Variants in HEATR9 observed in about 807,000 individuals in gnomAD.
The protein encoded by HEATR9 is protein HEATR9.
Under a neutral mutation model 68.2 loss-of-function variants are expected in HEATR9, and 54 were observed. The ratio of observed to expected loss-of-function variants is 0.79; its 90% CI spans 0.64 to 0.99. The LOEUF is 0.99. Among genes scored for constraint, HEATR9 ranks in the 50% least tolerant of loss-of-function variants. HEATR9 has a pLI of 0.00. For missense variants in HEATR9, 662 were observed against 679.7 expected (o/e 0.97, Z 0.29); for synonymous variants, 241 against 253.5 (o/e 0.95, Z 0.47).
At chr17:35,855,478 G>A (rs1277666260) in intron 14 of HEATR9, 68 bp from the exon 15 acceptor site, 2 of 1,454,226 alleles carry the variant, frequency 1.4e-6, no homozygotes, top group Non-Finnish European at 1.9e-6. Context: ...CAGAGAGGGG[G>A]CACCCAAAGT....
At position 35,858,784 on chromosome 17, in the gene HEATR9, A is replaced by G. The variant is rs1312725330; in HGVS notation, c.939+104T>C. 2.4e-6 allele frequency: 3 copies of G among 1,259,978 alleles called. No individual in the cohort carries two copies. The East Asian group carries it at 7.0e-5, about 29-fold the overall frequency. The allele number at this position is 1,259,978 out of a possible 1,614,324, so 78.0% of individuals were successfully genotyped here. A position where few individuals can be genotyped will look rare whatever the true frequency, so the allele number is the denominator to read the frequency against. ...CATGGACATAGTCATAAGCACACAG[A>G]GGATCCTGCAGTGCTCCACCACCAG... On this transcript the variant is annotated intron_variant, in intron 9 of 14. Coordinates refer to ENST00000604834, the MANE Select transcript of HEATR9 (RefSeq NM_152781.4).
intron 6 of HEATR9, chr17:35,863,914 A>G (rs746929712): frequency 5.6e-6 from 3 of 535,562 alleles, no homozygotes; most frequent in Non-Finnish European, 1.0e-5. Context: ...GCATGTTCCC[A>G]GTGGTAAGCT....
Position 35,859,016 on chromosome 17 carries a change from T to C in HEATR9, c.811A>G (p.Lys271Glu), listed in dbSNP as rs2087880977. The C allele has an allele frequency of 6.2e-7, 1 of 1,614,208 alleles. No individual in the cohort carries two copies. The highest frequency in any genetic ancestry group is 8.5e-7 in the Non-Finnish European group (1 of 1,180,040). Residue 271 changes from lysine (K) to glutamate (E), a missense_variant, in exon 9 of 15, where the codon AAG (lysine) becomes GAG (glutamate). Coordinates refer to ENST00000604834, the MANE Select transcript of HEATR9 (RefSeq NM_152781.4). ...AGAGATGCTTCACTGGACGACTTCT[T>C]GATCAGTGTCTGTAGTACAGGCACC... is the stretch of plus-strand genomic sequence containing the variant. ...KLVPVLQTLI[K>E]KSSSEASLEA...
Position 35,855,851 on chromosome 17 carries a change from AG to A in HEATR9, c.1279-102del. 3 of 1,011,252 alleles carry A rather than the reference AG, an allele frequency of 3.0e-6. No homozygotes were observed. The South Asian group carries it at 3.9e-5, about 13-fold the overall frequency. The allele number at this position is 1,011,252 out of a possible 1,614,324, so 62.6% of individuals were successfully genotyped here. ...CTTTGTGAGACTCTGCAGCATAGAGAGGGGGGAGATAGGGTTTCCCAGCTGA... is the reference window on the plus strand; with the variant it reads ...CTTTGTGAGACTCTGCAGCATAGAGAGGGGGAGATAGGGTTTCCCAGCTGA... On this transcript the variant is annotated intron_variant, in intron 13 of 14. Transcript: ENST00000604834.
chr17:35,863,812 T>C (rs2088090933), intron 6 of HEATR9: 2 of 579,518 alleles, frequency 3.5e-6, no homozygotes, highest in African/African-American at 1.9e-5. Flanking sequence ...TCCCTTGGTC[T>C]CTCAGAGCTT....
intron 1 of HEATR9, among the ~76,000 whole-genome samples, chr17:35,867,256 G>A (rs767729764): frequency 5.9e-5 from 9 of 151,726 alleles, no homozygotes; most frequent in South Asian, 4.2e-4. Context: ...GCGAGACTCC[G>A]TCTCAAAAAA....
intron 2 of HEATR9, 24 bp downstream of exon 2, chr17:35,866,700 G>T: frequency 1.9e-6 from 3 of 1,609,414 alleles, no homozygotes; most frequent in Non-Finnish European, 2.6e-6. Flanking sequence ...CAGCTCCCAG[G>T]GTAGCAAAAG....
Position 35,864,842 on chromosome 17 carries a change from T to C in HEATR9, c.369A>G (p.Pro123=), listed in dbSNP as rs748978398. 7 of 1,614,070 alleles carry C rather than the reference T, an allele frequency of 4.3e-6. No individual in the cohort carries two copies. In the Admixed American group the frequency reaches 6.7e-5, roughly 15 times the overall value. The change falls in exon 4 of 15, where the codon CCA becomes CCG. Residue 123 remains proline, a synonymous_variant. Coordinates refer to ENST00000604834, the MANE Select transcript of HEATR9 (RefSeq NM_152781.4). ...CAGATTTTATAGTCAGCTTGCTCAT[T>C]GGGAGATGGAACATTTTGATGTGGG... is the stretch of plus-strand genomic sequence containing the variant. ...HQTHIKMFHL[P]MSKLTIKSEM...
At chr17:35,866,840 G>A in intron 1 of HEATR9, 67 bp from the exon 2 acceptor site, 1 of 1,505,204 alleles carries the variant, frequency 6.6e-7, no homozygotes, top group Middle Eastern at 1.7e-4. Context: ...AGGCTTGGTG[G>A]CTTCTGCCTG....
chr17:35,865,268 C>G lies in HEATR9; in HGVS notation c.267G>C (p.Gln89His), dbSNP rs746592494. ...IYTHWHDLYDQREEREAEKML... is the reference protein window; with the variant it reads ...IYTHWHDLYDHREEREAEKML... ...TCTTCTCAGCCTCCCTTTCCTCTCG[C>G]TGATCATACAGGTCGTGCCAGTGCG... is the stretch of plus-strand genomic sequence containing the variant. Residue 89 changes from glutamine to histidine, a missense_variant, in exon 3 of 15, where the codon CAG becomes CAC. Transcript: ENST00000604834. The G allele has an allele frequency of 6.2e-7, 1 of 1,614,118 alleles. No homozygotes were observed. Among genetic ancestry groups the G allele is most frequent in the Admixed American group, 1.7e-5 (1 of 60,018 alleles).
rs1379002683 is a variant in HEATR9, at chr17:35,864,514, G to T, written c.493C>A (p.Gln165Lys). The change falls in exon 5 of 15, where the codon CAG (glutamine) becomes AAG (lysine). Residue 165 changes from glutamine to lysine, a missense_variant. Gln to Lys is a moderately conservative substitution (Grantham distance 53). Transcript: ENST00000604834. Reference protein sequence around the residue: ...KSLESPREDEQFYAAQALGCL... With the variant: ...KSLESPREDEKFYAAQALGCL... ...CTTCTCACCTGTGCTGCATAGAACT[G>T]CTCATCCTCTCTGGGAGATTCCAGG... is the stretch of plus-strand genomic sequence containing the variant. 6 of 1,614,070 alleles carry T rather than the reference G, an allele frequency of 3.7e-6. No individual in the cohort carries two copies. Among genetic ancestry groups the T allele is most frequent in the East Asian group, 2.2e-5 (1 of 44,890 alleles).
intron 3 of HEATR9, 146 bp from the exon 4 acceptor site, chr17:35,865,036 C>A: frequency 7.8e-7 from 1 of 1,278,358 alleles, no homozygotes; most frequent in Non-Finnish European, 1.1e-6. Context: ...TCCACCAGAG[C>A]CGAGCCGAGC....
chr17:35,861,283 C>G lies in HEATR9; in HGVS notation c.756+1712G>C, dbSNP rs573657228. The stretch of plus-strand genomic sequence containing the variant: ...ACGTTTCTGTTTGATCTCTTCAACT[C>G]TCTTCATTGCGTCAATAGTTTTATT... On this transcript the variant is annotated intron_variant, in intron 8 of 14. Coordinates refer to ENST00000604834, the MANE Select transcript of HEATR9 (RefSeq NM_152781.4). 4 of 1,391,982 alleles carry G rather than the reference C, an allele frequency of 2.9e-6. No homozygotes were observed. The Admixed American group carries it at 5.0e-5, about 18-fold the overall frequency. The allele number at this position is 1,391,982 out of a possible 1,614,324, so 86.2% of individuals were successfully genotyped here. A position where few individuals can be genotyped will look rare whatever the true frequency, so the allele number is the denominator to read the frequency against.
chr17:35,865,602 A>T (rs2088172981), intron 2 of HEATR9, among the ~76,000 whole-genome samples: 1 of 152,174 alleles, frequency 6.6e-6, no homozygotes, highest in African/African-American at 2.4e-5. Context: ...CAGTCTTCTT[A>T]TCTGTAAAAC....
At chr17:35,865,053 G>GAGCCGAGCCGGCCGAGCCA (rs1555624324) in intron 3 of HEATR9, among the ~76,000 whole-genome samples, 162 bp downstream of exon 3, 1 of 151,936 alleles carries the variant, frequency 6.6e-6, no homozygotes, top group African/African-American at 2.4e-5. Flanking sequence ...GAGCCGAGCC[G>GAGCCGAGCCGGCCGAGCCA]GCCGAGCCAG....
chr17:35,865,035 GC>G, intron 3 of HEATR9, 145 bp from the exon 4 acceptor site: 1 of 1,268,936 alleles, frequency 7.9e-7, no homozygotes, highest in Non-Finnish European at 1.1e-6. Context: ...ATCCACCAGA[GC>G]CGAGCCGAGC....
chr17:35,864,472 C>A, intron 5 of HEATR9, 25 bp downstream of exon 5: 8 of 1,609,780 alleles, frequency 5.0e-6, no homozygotes, highest in Non-Finnish European at 6.8e-6. Flanking sequence ...TGTAACCACC[C>A]TCCTCTATCC....
In HEATR9 at chr17:35,864,824, T is replaced by G; in HGVS notation, c.387A>C (p.Ile129=). Residue 129 remains isoleucine (I), a synonymous_variant, in exon 4 of 15, where the codon ATA becomes ATC. Transcript: ENST00000604834. ...AGGGCCTGGATCGCATCTCAGATTTTATAGTCAGCTTGCTCATTGGGAGAT... is the reference window on the plus strand; with the variant it reads ...AGGGCCTGGATCGCATCTCAGATTTGATAGTCAGCTTGCTCATTGGGAGAT... ...MFHLPMSKLT[I]KSEMRSRPLE... 1 of 1,614,210 alleles carries G rather than the reference T, an allele frequency of 6.2e-7. No individual in the cohort carries two copies. The highest frequency in any genetic ancestry group is 1.3e-5 in the African/African-American group (1 of 75,060).
intron 11 of HEATR9, 104 bp downstream of exon 11, chr17:35,858,095 TC>T (rs1799410695): frequency 6.7e-7 from 1 of 1,500,898 alleles, no homozygotes; most frequent in African/African-American, 1.4e-5. Flanking sequence ...CAGGAGTAGG[TC>T]AGGATGAATG....
Sources: gnomAD v4.1 joint callset for allele counts (sites outside exome capture counted in the v4.1 genomes callset) on GRCh38, gnomAD v4.1.1 for gene constraint, MANE v1.5 for transcripts, NCBI Gene and HGNC (gene_info 2026-07-23, HGNC 2026-07-21) for gene names.